TENM4: variants seen among roughly 807,000 people sequenced by gnomAD.
The protein encoded by TENM4 is teneurin-4.
Under a neutral mutation model 243.3 loss-of-function variants are expected in TENM4, and 82 were observed. The ratio of observed to expected loss-of-function variants is 0.34; its 90% CI spans 0.28 to 0.40. The LOEUF (loss-of-function observed/expected upper bound fraction) is 0.40, where lower values mean the gene tolerates loss of function less well. Among genes scored for constraint, TENM4 ranks in the 10% least tolerant of loss-of-function variants. The pLI is 1.00. For synonymous variants in TENM4, 1,412 were observed against 1,456.3 expected (o/e 0.97, Z 0.69); for missense variants, 3,138 against 3,673.3 (o/e 0.85, Z 3.77).
intron 3 of TENM4, among the ~76,000 whole-genome samples, chr11:79,185,077 C>T (rs556594711): frequency 6.6e-6 from 1 of 152,168 alleles, no homozygotes; most frequent in African/African-American, 2.4e-5. Flanking sequence ...TGGGGAGGAT[C>T]GCTTGAGCCC....
intron 2 of TENM4, among the ~76,000 whole-genome samples, chr11:79,233,342 T>C (rs748061356): frequency 2.0e-5 from 3 of 152,182 alleles, no homozygotes; most frequent in African/African-American, 4.8e-5. Flanking sequence ...TTAAAGTACA[T>C]GTTTGACAAA....
intron 4 of TENM4, among the ~76,000 whole-genome samples, chr11:79,127,593 C>G (rs1445029429): frequency 1.3e-5 from 2 of 152,216 alleles, no homozygotes; most frequent in Non-Finnish European, 2.9e-5. Flanking sequence ...TTTTACTGTC[C>G]TACCTCAGGG....
Position 78,706,891 on chromosome 11 carries a change from C to T in TENM4, c.4209+1470G>A, listed in dbSNP as rs576941309. On this transcript the variant is annotated intron_variant, in intron 27 of 33. Coordinates refer to ENST00000278550, the MANE Select transcript of TENM4 (RefSeq NM_001098816.3). ...CTGGAGAGGGAAACTCACTAGCCAG[C>T]AAGGGTAAGCCTGCCAAAACTGCAA... Among the ~76,000 whole-genome samples, 2 of 152,260 alleles carry T rather than the reference C, an allele frequency of 1.3e-5. 1 individual carries two copies. Among genetic ancestry groups the T allele is most frequent in the South Asian group, 4.2e-4 (2 of 4,818 alleles).
At chr11:79,184,904 A>T (rs938749691) in intron 3 of TENM4, among the ~76,000 whole-genome samples, 1 of 152,244 alleles carries the variant, frequency 6.6e-6, no homozygotes, top group Non-Finnish European at 1.5e-5. Flanking sequence ...TAGAAATTTA[A>T]ACAAGTAAGA....
rs766448601 is a variant in TENM4, at chr11:78,661,526, G to A, written c.7474C>T (p.Pro2492Ser). The change falls in exon 33 of 34, where the codon CCA becomes TCA. Residue 2492 changes from proline to serine, a missense_variant. Transcript: ENST00000278550. ...LHNVIPGYPK[P>S]DMDAMEPSYE... ...GAGGGTTCCATGGCATCCATGTCTG[G>A]TTTGGGATAACCAGGGATCACGTTG... 1.2e-6 allele frequency: 2 copies of A among 1,613,122 alleles called. No individual in the cohort carries two copies. Among genetic ancestry groups the A allele is most frequent in the East Asian group, 2.2e-5 (1 of 44,870 alleles).
At chr11:78,962,037 C>G (rs566392516) in intron 6 of TENM4, 1 of 152,666 alleles carries the variant, frequency 6.6e-6, no homozygotes, top group South Asian at 2.1e-4. Context: ...CCGGATCCCA[C>G]CACGCACCAG....
intron 1 of TENM4, among the ~76,000 whole-genome samples, chr11:79,390,603 G>T (rs1006327420): frequency 6.6e-6 from 1 of 151,954 alleles, no homozygotes; most frequent in African/African-American, 2.4e-5. Flanking sequence ...AAGAGAGGCC[G>T]ATTCAGAGTC....
chr11:78,997,142 G>T (rs879855643), intron 6 of TENM4, among the ~76,000 whole-genome samples: 4 of 152,204 alleles, frequency 2.6e-5, no homozygotes, highest in Non-Finnish European at 4.4e-5. Flanking sequence ...CATGTTTTGT[G>T]TATAAAGCTC....
intron 2 of TENM4, among the ~76,000 whole-genome samples, chr11:79,295,156 C>T (rs1383054282): frequency 6.6e-6 from 1 of 152,172 alleles, no homozygotes; most frequent in African/African-American, 2.4e-5. Context: ...CAAACCCAGT[C>T]CTGTTTAGGC....
chr11:79,183,239 G>A (rs984896147), intron 3 of TENM4, among the ~76,000 whole-genome samples: 1 of 152,138 alleles, frequency 6.6e-6, no homozygotes, highest in Non-Finnish European at 1.5e-5. Context: ...AAGTAAATGA[G>A]CTATCAAGCC....
In TENM4 at chr11:79,412,170, A is replaced by G. The variant is rs530332944; in HGVS notation, c.-321+28339T>C. ...AGGACACAGCCTTCCCAGCTCTGCT[A>G]GCAAGTTAGCCGGTTGGTAAAGCCC... On this transcript the variant is annotated intron_variant, in intron 1 of 33. Transcript: ENST00000278550. 9.2e-5 allele frequency among the ~76,000 whole-genome samples: 14 copies of G among 152,318 alleles called. No individual in the cohort carries two copies. The South Asian group carries it at 2.9e-3, about 32-fold the overall frequency.
At chr11:79,376,492 C>T (rs1857893340) in intron 1 of TENM4, among the ~76,000 whole-genome samples, 1 of 152,236 alleles carries the variant, frequency 6.6e-6, no homozygotes, top group Admixed American at 6.5e-5. Flanking sequence ...GCCTGGCCTG[C>T]TACTGGAAGA....
intron 1 of TENM4, among the ~76,000 whole-genome samples, chr11:79,376,841 G>C (rs1224686274): frequency 6.6e-6 from 1 of 152,174 alleles, no homozygotes; most frequent in Non-Finnish European, 1.5e-5. Flanking sequence ...CTCAGGATCT[G>C]TGCTTATTCT....
Position 78,756,979 on chromosome 11 carries a change from G to C in TENM4, c.2582C>G (p.Pro861Arg). 1 of 1,613,980 alleles carries C rather than the reference G, an allele frequency of 6.2e-7. No individual in the cohort carries two copies. The highest frequency in any genetic ancestry group is 1.7e-5 in the Admixed American group (1 of 60,028). Reference protein sequence around the residue: ...DCMDPDCCLQPLCHINPLCLG... With the variant: ...DCMDPDCCLQRLCHINPLCLG... ...GCACAGCGGGTTGATATGGCACAGG[G>C]GCTGGAGGCAGCAGTCAGGGTCCAT... The change falls in exon 19 of 34, where the codon CCC (proline) becomes CGC (arginine). Residue 861 changes from proline to arginine, a missense_variant. Pro to Arg is a moderately radical substitution (Grantham distance 103). Transcript: ENST00000278550.
chr11:79,409,641 A>G (rs1482890744), intron 1 of TENM4, among the ~76,000 whole-genome samples: 1 of 152,140 alleles, frequency 6.6e-6, no homozygotes, highest in Non-Finnish European at 1.5e-5. Context: ...CTGCCTGACC[A>G]CGCACACCAG....
At chr11:79,347,961 A>C (rs928249535) in intron 1 of TENM4, among the ~76,000 whole-genome samples, 6 of 151,326 alleles carry the variant, frequency 4.0e-5, no homozygotes, top group African/African-American at 1.5e-4. Context: ...TTGTATTTTT[A>C]GTAGAGACGG....
chr11:78,910,642 T>C (rs915110034), intron 6 of TENM4, among the ~76,000 whole-genome samples: 1 of 152,196 alleles, frequency 6.6e-6, no homozygotes, highest in Non-Finnish European at 1.5e-5. Context: ...AACTGTAAAG[T>C]CTTGTGCAAG....
chr11:78,863,382 T>C (rs1045216103), intron 9 of TENM4, among the ~76,000 whole-genome samples: 3 of 151,974 alleles, frequency 2.0e-5, no homozygotes, highest in Non-Finnish European at 2.9e-5. Context: ...GATCGGGGAG[T>C]CTCAGGAGGT....
intron 1 of TENM4, among the ~76,000 whole-genome samples, chr11:79,433,350 T>C (rs1859206672): frequency 1.3e-5 from 2 of 152,258 alleles, no homozygotes; most frequent in Admixed American, 6.5e-5. Flanking sequence ...CATTAGAGTT[T>C]GAGATTGCAC....
Sources: allele counts gnomAD v4.1 joint callset (sites outside exome capture counted in the v4.1 genomes callset), GRCh38; gene constraint gnomAD v4.1.1; transcripts MANE v1.5; gene names NCBI Gene and HGNC (gene_info 2026-07-23, HGNC 2026-07-21).